Variants in COBL observed in about 807,000 individuals in gnomAD.
COBL encodes protein cordon-bleu.
Under a neutral mutation model 98.8 loss-of-function variants are expected in COBL, and 51 were observed. That is an observed-to-expected ratio of 0.52 (90% confidence interval 0.41 to 0.65). The LOEUF (loss-of-function observed/expected upper bound fraction) is 0.65, where lower values mean the gene tolerates loss of function less well. Among genes scored for constraint, COBL ranks in the 30% least tolerant of loss-of-function variants. The pLI, the probability that COBL is intolerant of heterozygous loss-of-function variation, is 0.00. For missense variants in COBL, 1,617 were observed against 1,617.5 expected, an observed-to-expected ratio of 1.00 and a Z score of 0.01; for synonymous variants, 634 against 651.7, an observed-to-expected ratio of 0.97 and a Z score of 0.41.
intron 6 of COBL, among the ~76,000 whole-genome samples, chr7:51,128,708 C>A (rs1583888317): frequency 6.6e-6 from 1 of 152,048 alleles, no homozygotes; most frequent in Non-Finnish European, 1.5e-5. Flanking sequence ...GGGTCCTGTG[C>A]CCCTCAAGCC....
intron 9 of COBL, 31 bp downstream of exon 9, chr7:51,030,781 A>G (rs773730524): frequency 1.3e-5 from 18 of 1,381,024 alleles, no homozygotes; most frequent in South Asian, 9.5e-5. Context: ...ATGCAGCATA[A>G]TATCAGAGTA....
chr7:51,189,159 C>T (rs550795722), intron 4 of COBL, among the ~76,000 whole-genome samples: 97 of 152,140 alleles, frequency 6.4e-4, no homozygotes, highest in African/African-American at 2.3e-3. Flanking sequence ...TGTCAGAGTA[C>T]TTTTTTTGAA....
chr7:51,085,193 T>A lies in COBL; in HGVS notation c.1069A>T (p.Lys357Ter). 1 of 1,613,860 alleles carries A rather than the reference T, an allele frequency of 6.2e-7. No individual in the cohort carries two copies. The highest frequency in any genetic ancestry group is 8.5e-7 in the Non-Finnish European group (1 of 1,179,980). The change falls in exon 7 of 13, where the codon AAG becomes TAG. Residue 357 changes from lysine to a stop codon, truncating the protein, a stop_gained. Transcript: ENST00000265136. LOFTEE classifies it high-confidence loss of function. ...SPLIPNRTEDKEENRKSTMVS... is the reference protein window; with the variant it reads ...SPLIPNRTED ...ATCGTGCTCTTCCTGTTCTCCTCCT[T>A]ATCCTCAGTGCGGTTGGGGATCAGG...
chr7:51,137,224 C>T (rs1011127974), intron 5 of COBL, among the ~76,000 whole-genome samples: 8 of 152,194 alleles, frequency 5.3e-5, no homozygotes, highest in African/African-American at 1.7e-4. Flanking sequence ...GTTAAGCCCA[C>T]AGACCTTGGA....
intron 7 of COBL, among the ~76,000 whole-genome samples, chr7:51,057,053 T>C (rs1347379843): frequency 6.6e-6 from 1 of 152,138 alleles, no homozygotes; most frequent in African/African-American, 2.4e-5. Flanking sequence ...CTTTTTCCAG[T>C]GGATCCACAC....
At chr7:51,067,790 G>A (rs1459024439) in intron 7 of COBL, among the ~76,000 whole-genome samples, 1 of 152,240 alleles carries the variant, frequency 6.6e-6, no homozygotes, top group Non-Finnish European at 1.5e-5. Flanking sequence ...AAGCCCCAAT[G>A]TTAACTTCTT....
intron 1 of COBL, among the ~76,000 whole-genome samples, chr7:51,310,652 T>TTTTTG (rs1437264340): frequency 6.6e-6 from 1 of 152,110 alleles, no homozygotes; most frequent in Non-Finnish European, 1.5e-5. Context: ...TGGAGGGTTG[T>TTTTTG]TTTTGTTTTG....
intron 1 of COBL, among the ~76,000 whole-genome samples, chr7:51,272,002 C>A (rs542933205): frequency 1.3e-5 from 2 of 152,320 alleles, no homozygotes; most frequent in South Asian, 4.1e-4. Context: ...GCACTCCAGT[C>A]TGGGTGACAG....
intron 5 of COBL, among the ~76,000 whole-genome samples, chr7:51,174,568 A>G (rs1311759437): frequency 1.3e-5 from 2 of 152,122 alleles, no homozygotes; most frequent in African/African-American, 4.8e-5. Context: ...CCAAATGGTG[A>G]CTTCTTGAGG....
intron 7 of COBL, among the ~76,000 whole-genome samples, chr7:51,048,101 G>A (rs1789893612): frequency 6.6e-6 from 1 of 151,800 alleles, no homozygotes; most frequent in South Asian, 2.1e-4. Flanking sequence ...GAGAGGCGGA[G>A]GCTGCAGTGA....
At chr7:51,128,942 A>G (rs4948194) in intron 6 of COBL, among the ~76,000 whole-genome samples, 88,906 of 152,116 alleles carry the variant, frequency 0.58, 26,129 homozygotes, top group Middle Eastern at 0.74. Context: ...GGGAAATAAG[A>G]TCGTTCTCTA....
chr7:51,028,334 T>A lies in COBL; in HGVS notation c.2762A>T (p.Glu921Val). The change falls in exon 10 of 13, where the codon GAG (glutamate) becomes GTG (valine). Residue 921 changes from glutamate to valine, a missense_variant. Glu to Val is a moderately radical substitution (Grantham distance 121). Coordinates refer to ENST00000265136, the MANE Select transcript of COBL (RefSeq NM_015198.5). The part of the protein sequence containing the change: ...KDDRTSSPHS[E>V]TQGWKDGAQW... ...GGCACCATCCTTCCATCCTTGTGTC[T>A]CTGAGTGTGGGCTGGATGTCCTGTC... The A allele has an allele frequency of 6.2e-7, 1 of 1,614,250 alleles. No homozygotes were observed. The highest frequency in any genetic ancestry group is 8.5e-7 in the Non-Finnish European group (1 of 1,180,038).
chr7:51,046,881 C>T (rs1010494279), intron 7 of COBL, among the ~76,000 whole-genome samples: 3 of 152,168 alleles, frequency 2.0e-5, no homozygotes, highest in African/African-American at 7.2e-5. Flanking sequence ...TCCCCTTTCC[C>T]CTTTCTGTAA....
chr7:51,033,785 T>C (rs1329290282), intron 8 of COBL: 1 of 152,274 alleles, frequency 6.6e-6, no homozygotes, highest in East Asian at 1.9e-4. Flanking sequence ...TGCATTCTTC[T>C]TACACTGCAC....
intron 5 of COBL, among the ~76,000 whole-genome samples, chr7:51,154,703 G>A (rs1785936128): frequency 6.6e-6 from 1 of 152,176 alleles, no homozygotes; most frequent in Non-Finnish European, 1.5e-5. Flanking sequence ...GCAGGTAAGA[G>A]GAGAGGAATG....
At chr7:51,147,126 C>T (rs1350325140) in intron 5 of COBL, among the ~76,000 whole-genome samples, 2 of 152,210 alleles carry the variant, frequency 1.3e-5, no homozygotes, top group African/African-American at 4.8e-5. Context: ...CCTGGGGCAG[C>T]TGTGACCTCC....
At chr7:51,303,589 A>T (rs1022968405) in intron 1 of COBL, among the ~76,000 whole-genome samples, 5 of 152,192 alleles carry the variant, frequency 3.3e-5, no homozygotes, top group African/African-American at 1.2e-4. Flanking sequence ...GTGTCAAAGC[A>T]ACTGGTGTTC....
intron 6 of COBL, among the ~76,000 whole-genome samples, chr7:51,097,499 A>G (rs997411143): frequency 2.0e-5 from 3 of 152,192 alleles, no homozygotes; most frequent in South Asian, 2.1e-4. Flanking sequence ...TGAAAACGGA[A>G]GAAGTGAAAT....
At chr7:51,203,749 G>A (rs1487628968) in intron 2 of COBL, among the ~76,000 whole-genome samples, 4 of 151,900 alleles carry the variant, frequency 2.6e-5, no homozygotes, top group South Asian at 2.1e-4. Flanking sequence ...CATCACAAAC[G>A]GAAAAGTCCA....
Sources: gnomAD v4.1 joint callset for allele counts (sites outside exome capture counted in the v4.1 genomes callset) on GRCh38, gnomAD v4.1.1 for gene constraint, MANE v1.5 for transcripts, NCBI Gene and HGNC (gene_info 2026-07-23, HGNC 2026-07-21) for gene names.